The following PLD5 variants were observed in gnomAD, a reference collection of about 807,000 sequenced individuals.
PLD5 encodes inactive phospholipase D5.
Under a neutral mutation model 61.1 loss-of-function variants are expected in PLD5, and 36 were observed. The observed-to-expected ratio is 0.59, with a 90% CI of 0.45 to 0.78. PLD5 has a LOEUF of 0.78. Ranked by LOEUF, PLD5 falls within the 30% of genes least tolerant of loss-of-function variation. The pLI is 0.00. For missense variants in PLD5, 515 were observed against 644.4 expected, an observed-to-expected ratio of 0.80 and a Z score of 2.17; for synonymous variants, 243 against 242.8, an observed-to-expected ratio of 1.00 and a Z score of -0.01.
In PLD5 at chr1:242,219,889, C is replaced by T. The variant is rs546531082; in HGVS notation, c.735+99G>A. The T allele has an allele frequency of 2.5e-4, 359 of 1,422,008 alleles. 5 individuals carry two copies. The South Asian group carries it at 4.9e-3, about 19-fold the overall frequency. 88.1% of individuals were successfully genotyped at this position (1,422,008 alleles called of 1,614,324 possible). A position where few individuals can be genotyped will look rare whatever the true frequency, so the allele number is the denominator to read the frequency against. On this transcript the variant is annotated intron_variant, in intron 5 of 9. Transcript: ENST00000536534. ...AAACTACAGTTAAGAATAATAAATG[C>T]TGTAGGTTTTAGGATCCTTATCTGC... is the stretch of plus-strand genomic sequence containing the variant.
chr1:242,336,296 T>C (rs1237562769), intron 2 of PLD5, among the ~76,000 whole-genome samples: 1 of 152,190 alleles, frequency 6.6e-6, no homozygotes, highest in East Asian at 1.9e-4. Flanking sequence ...CAATTCCATT[T>C]CTAGGAATTT....
chr1:242,472,941 A>G (rs1441782259), intron 1 of PLD5, among the ~76,000 whole-genome samples: 1 of 152,212 alleles, frequency 6.6e-6, no homozygotes, highest in Non-Finnish European at 1.5e-5. Context: ...AGGAGTAAAA[A>G]GAGAATATTT....
intron 5 of PLD5, among the ~76,000 whole-genome samples, chr1:242,174,205 AAAAAC>A (rs1225942716): frequency 7.2e-6 from 1 of 138,704 alleles, no homozygotes; most frequent in African/African-American, 2.5e-5. Flanking sequence ...TTTACAAGAA[AAAAAC>A]AAACAACCCC....
At chr1:242,478,906 T>C (rs1053875697) in intron 1 of PLD5, among the ~76,000 whole-genome samples, 1 of 152,218 alleles carries the variant, frequency 6.6e-6, no homozygotes, top group East Asian at 1.9e-4. Flanking sequence ...AAGAATTGAA[T>C]AGATTACAAA....
intron 1 of PLD5, among the ~76,000 whole-genome samples, chr1:242,400,689 T>C (rs1294411348): frequency 6.6e-6 from 1 of 152,176 alleles, no homozygotes; most frequent in East Asian, 1.9e-4. Flanking sequence ...TCCAAGGTTC[T>C]CTGATTCCAA....
At chr1:242,317,140 T>C (rs7553177) in intron 2 of PLD5, among the ~76,000 whole-genome samples, 7,069 of 152,168 alleles carry the variant, frequency 0.046, 576 homozygotes, top group African/African-American at 0.16. Context: ...CCCAAGTAGC[T>C]GTAATCCCAA....
At position 242,197,633 on chromosome 1, in the gene PLD5, CTT is replaced by C. The variant is rs111450387; in HGVS notation, c.735+22353_735+22354del. Among the ~76,000 whole-genome samples, 81 of 105,398 alleles carry C rather than the reference CTT, an allele frequency of 7.7e-4. 2 individuals are homozygous for C. In the South Asian group the frequency reaches 0.023, roughly 30 times the overall value. 69.1% of individuals were successfully genotyped at this position (105,398 alleles called of 152,430 possible). A position where few individuals can be genotyped will look rare whatever the true frequency, so the allele number is the denominator to read the frequency against. On this transcript the variant is annotated intron_variant, in intron 5 of 9. Coordinates refer to ENST00000536534, the MANE Select transcript of PLD5 (RefSeq NM_001372062.1). ...TCCCCTGATCTGAATTAATTGCACA[CTT>C]TTTTTTTTTTTTTTTCTGAGACGGA...
rs551017423 is a variant in PLD5, at chr1:242,506,305, C to T, written c.189+17783G>A. On this transcript the variant is annotated intron_variant, in intron 1 of 9. Transcript: ENST00000536534. ...ATATTATCTGTTCTCTAGTTGGAGGCGCCTGGGTGTAAGGACAATTGGGCT... is the reference window on the plus strand; with the variant it reads ...ATATTATCTGTTCTCTAGTTGGAGGTGCCTGGGTGTAAGGACAATTGGGCT... 1.2e-4 allele frequency among the ~76,000 whole-genome samples: 18 copies of T among 152,182 alleles called. 1 individual carries two copies. The highest frequency in any genetic ancestry group is 3.6e-4 in the African/African-American group (15 of 41,532).
chr1:242,159,568 G>A (rs737133), intron 5 of PLD5, among the ~76,000 whole-genome samples: 41,804 of 152,006 alleles, frequency 0.28, 6,502 homozygotes, highest in Non-Finnish European at 0.35. Context: ...ACGGTTCTCC[G>A]AGGTGGGGCT....
intron 1 of PLD5, chr1:242,449,384 G>A (rs570609029): frequency 2.6e-5 from 40 of 1,536,046 alleles, no homozygotes; most frequent in Admixed American, 2.2e-4. Context: ...CCCTCCCTGC[G>A]GAGTCCAGCA....
In PLD5 at chr1:242,203,040, C is replaced by A. The variant is rs150790436; in HGVS notation, c.735+16948G>T. Among the ~76,000 whole-genome samples the A allele has an allele frequency of 5.3e-3, 807 of 152,292 alleles. 3 individuals are homozygous for A. Among genetic ancestry groups the A allele is most frequent in the Non-Finnish European group, 8.1e-3 (548 of 68,038 alleles). ...GCAACTAGCTCAGAAAGCCAACCAA[C>A]TATCTGCAGCAATGATTCCAGAAAG... On this transcript the variant is annotated intron_variant, in intron 5 of 9. Coordinates refer to ENST00000536534, the MANE Select transcript of PLD5 (RefSeq NM_001372062.1).
At chr1:242,124,708 T>C (rs888955295) in intron 5 of PLD5, 43 bp from the exon 6 acceptor site, 1 of 1,518,874 alleles carries the variant, frequency 6.6e-7, no homozygotes, top group African/African-American at 1.4e-5. Flanking sequence ...TGTGTGTCTT[T>C]TGGTGTTATT....
intron 1 of PLD5, among the ~76,000 whole-genome samples, chr1:242,405,704 C>T (rs2149283102): frequency 6.6e-6 from 1 of 151,972 alleles, no homozygotes; most frequent in Non-Finnish European, 1.5e-5. Context: ...AAGGTTCAAG[C>T]AATTCTCCTG....
chr1:242,359,247 T>C (rs1660935380), intron 1 of PLD5, among the ~76,000 whole-genome samples: 1 of 152,150 alleles, frequency 6.6e-6, no homozygotes, highest in Non-Finnish European at 1.5e-5. Flanking sequence ...GGGAGTGAAG[T>C]AGGCTTCCTG....
intron 1 of PLD5, among the ~76,000 whole-genome samples, chr1:242,394,896 G>GA (rs1186250532): frequency 0.015 from 1,577 of 103,370 alleles, 78 homozygotes; most frequent in East Asian, 0.085. Context: ...GTATATATAT[G>GA]ATTATATATG....
intron 5 of PLD5, among the ~76,000 whole-genome samples, chr1:242,188,420 T>C (rs1237046248): frequency 6.6e-6 from 1 of 152,130 alleles, no homozygotes; most frequent in Admixed American, 6.5e-5. Context: ...GGGAAAGAAC[T>C]TGGGCAAAGA....
chr1:242,529,834 C>T, the PLD5 span, among the ~76,000 whole-genome samples: 1 of 144,866 alleles, frequency 6.9e-6, no homozygotes, highest in African/African-American at 2.7e-5. Context: ...TTCTTCTTCT[C>T]TCCCTCCCTC....
chr1:242,502,346 T>A (rs1668581142), intron 1 of PLD5, among the ~76,000 whole-genome samples: 2 of 152,270 alleles, frequency 1.3e-5, no homozygotes, highest in South Asian at 4.1e-4. Context: ...ACTTCCCATA[T>A]CTAATTAGTA....
intron 1 of PLD5, among the ~76,000 whole-genome samples, chr1:242,366,602 TA>T (rs2149242334): frequency 6.6e-6 from 1 of 152,318 alleles, no homozygotes; most frequent in South Asian, 2.1e-4. Flanking sequence ...TACCATTTAC[TA>T]TTAATAAATT....
Sources: gnomAD v4.1 joint callset for allele counts (sites outside exome capture counted in the v4.1 genomes callset) on GRCh38, gnomAD v4.1.1 for gene constraint, MANE v1.5 for transcripts, NCBI Gene and HGNC (gene_info 2026-07-23, HGNC 2026-07-21) for gene names.